The following PPP6R2 variants were observed in gnomAD, a reference collection of about 807,000 sequenced individuals.
PPP6R2 encodes serine/threonine-protein phosphatase 6 regulatory subunit 2.
Under a neutral mutation model 100.2 loss-of-function variants are expected in PPP6R2, and 62 were observed. The observed-to-expected ratio is 0.62, with a 90% confidence interval of 0.50 to 0.76. PPP6R2 has a LOEUF of 0.76. Among genes scored for constraint, PPP6R2 ranks in the 30% least tolerant of loss-of-function variants. PPP6R2 has a pLI of 0.00. For synonymous variants in PPP6R2, 525 were observed against 514.7 expected, an observed-to-expected ratio of 1.02 and a Z score of -0.27; for missense variants, 1,142 against 1,276.3, an observed-to-expected ratio of 0.89 and a Z score of 1.60.
At chr22:50,441,533 G>T (rs2065620792) in intron 22 of PPP6R2, among the ~76,000 whole-genome samples, 1 of 152,206 alleles carries the variant, frequency 6.6e-6, no homozygotes, top group African/African-American at 2.4e-5. Context: ...GGAGGCCTAT[G>T]ATTCCGAGAC....
chr22:50,340,372 ATGTGGTGTGTATGGTATGTGGTGTG>A (rs1214872497), upstream of PPP6R2, among the ~76,000 whole-genome samples: 1 of 34,404 alleles, frequency 2.9e-5, no homozygotes, highest in African/African-American at 1.1e-4. Context: ...AGTGTGTGGT[ATGTGGTGTGTATGGTATGTGGTGTG>A]TGTGGTGTGT....
Position 50,439,949 on chromosome 22 carries a change from C to T in PPP6R2, c.2286-12C>T, listed in dbSNP as rs1433069979. 1 of 1,612,982 alleles carries T rather than the reference C, an allele frequency of 6.2e-7. No individual in the cohort carries two copies. The highest frequency in any genetic ancestry group is 2.2e-5 in the East Asian group (1 of 44,882). On this transcript the variant is annotated splice_polypyrimidine_tract_variant and intron_variant, in intron 20 of 23. Coordinates refer to ENST00000612753, the MANE Select transcript of PPP6R2 (RefSeq NM_001242898.2). ...CCCCCAGGACTGATCCTGTCCTCGT[C>T]CTTGTATGCAGCTCCGAGTCAGGGC...
chr22:50,384,416 G>A (rs994064732), intron 2 of PPP6R2, among the ~76,000 whole-genome samples: 7 of 152,134 alleles, frequency 4.6e-5, no homozygotes, highest in South Asian at 2.1e-4. Flanking sequence ...TTAGCCGGGC[G>A]TCGTGGCGGG....
intron 1 of PPP6R2, among the ~76,000 whole-genome samples, chr22:50,364,994 G>T (rs2048454543): frequency 6.6e-6 from 1 of 151,404 alleles, no homozygotes; most frequent in South Asian, 2.1e-4. Context: ...AATCTTTTAT[G>T]ATTCTCTTTG....
At chr22:50,442,698 C>T (rs915035759) in intron 22 of PPP6R2, among the ~76,000 whole-genome samples, 13 of 151,972 alleles carry the variant, frequency 8.6e-5, no homozygotes, top group Admixed American at 2.6e-4. Flanking sequence ...TACAGGCATC[C>T]GCCACCACCA....
intron 22 of PPP6R2, chr22:50,443,440 G>C (rs1326539943): frequency 6.1e-6 from 1 of 164,974 alleles, no homozygotes; most frequent in Admixed American, 6.0e-5. Context: ...GCTGGGCCTT[G>C]GGGTGCCCGA....
chr22:50,438,526 G>A, intron 18 of PPP6R2, 73 bp from the exon 19 acceptor site: 1 of 1,549,544 alleles, frequency 6.5e-7, no homozygotes, highest in South Asian at 1.2e-5. Context: ...CCCCGAGCCT[G>A]GGGCCGCCAC....
chr22:50,405,986 A>G (rs903935633), intron 3 of PPP6R2, among the ~76,000 whole-genome samples: 472 of 45,164 alleles, frequency 0.01, no homozygotes, highest in South Asian at 0.027. Flanking sequence ...CCTGGAGAGA[A>G]GTGAGAGACC....
intron 1 of PPP6R2, among the ~76,000 whole-genome samples, chr22:50,346,549 C>T (rs949790494): frequency 8.4e-6 from 1 of 119,314 alleles, no homozygotes; most frequent in African/African-American, 3.4e-5. Flanking sequence ...CCCCACCCTA[C>T]ACCAGTCAGT....
chr22:50,382,068 A>C (rs2053190482), intron 2 of PPP6R2, among the ~76,000 whole-genome samples: 1 of 152,200 alleles, frequency 6.6e-6, no homozygotes, highest in Non-Finnish European at 1.5e-5. Flanking sequence ...TTAACCTGTG[A>C]AAATGGAAAG....
chr22:50,379,632 C>T (rs1210058885), intron 2 of PPP6R2, among the ~76,000 whole-genome samples: 1 of 152,166 alleles, frequency 6.6e-6, no homozygotes, highest in Non-Finnish European at 1.5e-5. Context: ...GTGGCTCCTG[C>T]CTGTAATTCC....
chr22:50,376,595 T>C (rs2051611709), intron 2 of PPP6R2, among the ~76,000 whole-genome samples: 1 of 152,040 alleles, frequency 6.6e-6, no homozygotes. Flanking sequence ...GCTAATTCTT[T>C]GTATTTTTTG....
intron 12 of PPP6R2, 41 bp from the exon 13 acceptor site, chr22:50,434,925 C>T (rs1188511219): frequency 4.5e-6 from 7 of 1,561,916 alleles, no homozygotes; most frequent in African/African-American, 2.7e-5. Flanking sequence ...CTGGCAAGGT[C>T]GGGGCCAGGA....
At chr22:50,352,805 A>T (rs1299697404) in intron 1 of PPP6R2, among the ~76,000 whole-genome samples, 1 of 151,306 alleles carries the variant, frequency 6.6e-6, no homozygotes, top group East Asian at 1.9e-4. Context: ...GGTTGCGCAC[A>T]CCTCTAATCC....
chr22:50,391,456 A>AAAAAG (rs2055524212), intron 2 of PPP6R2, among the ~76,000 whole-genome samples: 2 of 149,408 alleles, frequency 1.3e-5, no homozygotes, highest in South Asian at 2.1e-4. Context: ...AAAAAAAAAA[A>AAAAAG]TGTAAACATT....
intron 1 of PPP6R2, among the ~76,000 whole-genome samples, chr22:50,354,639 A>C (rs910648502): frequency 5.9e-5 from 9 of 151,790 alleles, no homozygotes; most frequent in African/African-American, 2.2e-4. Flanking sequence ...CAGGCTGGCC[A>C]ACATGGTTAA....
chr22:50,338,990 T>C (rs1244606612), upstream of PPP6R2, among the ~76,000 whole-genome samples: 2 of 131,070 alleles, frequency 1.5e-5, no homozygotes, highest in Non-Finnish European at 3.2e-5. Context: ...GTGTGGTATG[T>C]AGTATGTGTG....
chr22:50,357,656 C>A (rs1261715587), intron 1 of PPP6R2, among the ~76,000 whole-genome samples: 2 of 150,938 alleles, frequency 1.3e-5, no homozygotes, highest in Non-Finnish European at 3.0e-5. Flanking sequence ...GAGATGGAGT[C>A]TTGCACTGTC....
intron 2 of PPP6R2, 144 bp from the exon 3 acceptor site, chr22:50,393,749 G>A: frequency 6.8e-7 from 1 of 1,477,016 alleles, no homozygotes; most frequent in Non-Finnish European, 9.0e-7. Flanking sequence ...TCATGCTGCA[G>A]ATGGACTTCC....
Sources: gnomAD v4.1 joint callset for allele counts (sites outside exome capture counted in the v4.1 genomes callset) on GRCh38, gnomAD v4.1.1 for gene constraint, MANE v1.5 for transcripts, NCBI Gene and HGNC (gene_info 2026-07-23, HGNC 2026-07-21) for gene names.